RBM27: variants seen among roughly 807,000 people sequenced by gnomAD.
The protein encoded by RBM27 is RNA-binding protein 27.
Under a neutral mutation model 135.3 loss-of-function variants are expected in RBM27, and 22 were observed. The ratio of observed to expected loss-of-function variants is 0.16; its 90% CI spans 0.12 to 0.23. The LOEUF (loss-of-function observed/expected upper bound fraction) is 0.23. Ranked by LOEUF, RBM27 falls within the 10% of genes least tolerant of loss-of-function variation. The pLI is 1.00. For synonymous variants in RBM27, 481 were observed against 442.4 expected, an observed-to-expected ratio of 1.09 and a Z score of -1.10; for missense variants, 1,009 against 1,281.0, an observed-to-expected ratio of 0.79 and a Z score of 3.24.
chr5:146,285,823 T>G, intron 20 of RBM27, 124 bp from the exon 21 acceptor site: 1 of 652,566 alleles, frequency 1.5e-6, no homozygotes, highest in Non-Finnish European at 2.6e-6. Flanking sequence ...AAGATACTCT[T>G]GCATGCATCC....
chr5:146,220,924 T>A (rs985435675), intron 2 of RBM27, among the ~76,000 whole-genome samples: 3 of 151,860 alleles, frequency 2.0e-5, no homozygotes, highest in African/African-American at 7.3e-5. Flanking sequence ...TTATAAAAAG[T>A]TAGAAAGGAT....
In RBM27 at chr5:146,230,836, T is replaced by G; in HGVS notation, c.769T>G (p.Ser257Ala). 6.2e-7 allele frequency: 1 copy of G among 1,614,026 alleles called. No homozygotes were observed. The highest frequency in any genetic ancestry group is 1.1e-5 in the South Asian group (1 of 91,070). Residue 257 changes from serine to alanine, a missense_variant, in exon 6 of 21, where the codon TCT becomes GCT. Physicochemically the swap from Ser to Ala is moderately conservative, Grantham distance 99. Transcript: ENST00000265271. Reference protein sequence around the residue: ...HHSENTTESWSNYYNNHSSSN... With the variant: ...HHSENTTESWANYYNNHSSSN... ...CTCTGAAAACACAACTGAGAGTTGG[T>G]CTAATTACTATAACAATCATAGCTC...
Position 146,234,745 on chromosome 5 carries a change from C to A in RBM27, c.1144+1002C>A, listed in dbSNP as rs115871979. On this transcript the variant is annotated intron_variant, in intron 7 of 20. Coordinates refer to ENST00000265271, the MANE Select transcript of RBM27 (RefSeq NM_018989.2). ...GAAGACTTTTAACATTAAAAGATGG[C>A]AAATTAGGCTGGGCATGGTGGGTCA... is the stretch of plus-strand genomic sequence containing the variant. Among the ~76,000 whole-genome samples the A allele has an allele frequency of 1.7e-3, 261 of 152,016 alleles. 3 individuals are homozygous for A. Among genetic ancestry groups the A allele is most frequent in the African/African-American group, 6.1e-3 (253 of 41,488 alleles).
At chr5:146,214,312 C>T (rs1001572861) in intron 1 of RBM27, among the ~76,000 whole-genome samples, 1 of 152,052 alleles carries the variant, frequency 6.6e-6, no homozygotes, top group African/African-American at 2.4e-5. Flanking sequence ...CTCTTTCATC[C>T]CCAAATATGC....
chr5:146,239,157 A>C (rs541679291), intron 8 of RBM27, among the ~76,000 whole-genome samples: 1 of 152,166 alleles, frequency 6.6e-6, no homozygotes, highest in African/African-American at 2.4e-5. Context: ...GGACTGACTC[A>C]TTGCTTTGCT....
At chr5:146,228,817 T>G in intron 3 of RBM27, 129 bp from the exon 4 acceptor site, 1 of 611,426 alleles carries the variant, frequency 1.6e-6, no homozygotes, top group East Asian at 3.0e-5. Flanking sequence ...CTCCCTGTGT[T>G]TCCCAGGCTG....
Position 146,218,976 on chromosome 5 carries a change from TCTAA to T in RBM27, c.60-5_60-2del. On this transcript the variant is annotated splice_region_variant and splice_polypyrimidine_tract_variant and intron_variant, in intron 1 of 20. Coordinates refer to ENST00000265271, the MANE Select transcript of RBM27 (RefSeq NM_018989.2). ...TTTTAAAATTTTTGTTTTCTCTTTG[TCTAA>T]CTAGATGTGATGCTGATCCTTCAGC... 6.4e-7 allele frequency: 1 copy of T among 1,560,396 alleles called. No individual in the cohort carries two copies. Among genetic ancestry groups the T allele is most frequent in the Non-Finnish European group, 8.7e-7 (1 of 1,152,388 alleles).
Position 146,261,670 on chromosome 5 carries a change from C to T in RBM27, c.2054C>T (p.Ala685Val). The T allele has an allele frequency of 1.2e-6, 2 of 1,614,154 alleles. No homozygotes were observed. Among genetic ancestry groups the T allele is most frequent in the Non-Finnish European group, 1.7e-6 (2 of 1,180,014 alleles). Residue 685 changes from alanine (A) to valine (V), a missense_variant, in exon 13 of 21, where the codon GCA becomes GTA. Ala to Val is a moderately conservative substitution (Grantham distance 64). Around this residue, in one of 6 missense-constraint regions of RBM27, gnomAD observed 355 missense variants for 427.3 expected, o/e 0.83. Coordinates refer to ENST00000265271, the MANE Select transcript of RBM27 (RefSeq NM_018989.2). Reference protein sequence around the residue: ...NNEQPTLQSSAQLLLQQQQTL... With the variant: ...NNEQPTLQSSVQLLLQQQQTL... Reference sequence around the variant, plus strand: ...GAGCAACCGACACTACAGTCCTCAGCACAGCTGCTCCTGCAACAACAGCAA... The same window carrying T: ...GAGCAACCGACACTACAGTCCTCAGTACAGCTGCTCCTGCAACAACAGCAA...
At chr5:146,206,942 A>T (rs565109774) in intron 1 of RBM27, among the ~76,000 whole-genome samples, 1 of 152,344 alleles carries the variant, frequency 6.6e-6, no homozygotes, top group East Asian at 1.9e-4. Flanking sequence ...TTAATAATAA[A>T]AAAGTAAATG....
chr5:146,260,984 CAGTGGTTATTCTGATCATCTCTGCTA>C, intron 12 of RBM27, 86 bp downstream of exon 12: 6 of 1,323,902 alleles, frequency 4.5e-6, no homozygotes, highest in Non-Finnish European at 6.3e-6. Context: ...TTAAATGAGT[CAGTGGTTATTCTGATCATCTCTGCTA>C]AGTGCTGTAA....
chr5:146,271,791 C>T, intron 19 of RBM27, 117 bp downstream of exon 19: 3 of 868,552 alleles, frequency 3.5e-6, no homozygotes, highest in Non-Finnish European at 5.1e-6. Context: ...TTGTAAAAAA[C>T]ATGAGTACTA....
intron 1 of RBM27, among the ~76,000 whole-genome samples, chr5:146,216,341 TAGAA>T (rs994660895): frequency 6.6e-6 from 1 of 152,210 alleles, no homozygotes; most frequent in Non-Finnish European, 1.5e-5. Flanking sequence ...TTTTTGAAGA[TAGAA>T]AGGCTACATA....
chr5:146,225,162 A>C (rs1347335419), intron 3 of RBM27, among the ~76,000 whole-genome samples: 1 of 152,050 alleles, frequency 6.6e-6, no homozygotes, highest in Admixed American at 6.6e-5. Flanking sequence ...GGGTTTCACT[A>C]TGTTGCCCAG....
chr5:146,237,714 G>T (rs1237283881), intron 8 of RBM27, among the ~76,000 whole-genome samples: 2 of 152,098 alleles, frequency 1.3e-5, no homozygotes, highest in African/African-American at 4.8e-5. Context: ...TTGAGACAGA[G>T]TCTCGCTCTG....
intron 1 of RBM27, among the ~76,000 whole-genome samples, chr5:146,205,673 A>T (rs1469988396): frequency 2.0e-5 from 3 of 152,160 alleles, no homozygotes; most frequent in African/African-American, 7.2e-5. Context: ...ATGTAATGAA[A>T]TTGACCATAT....
At chr5:146,235,887 C>T (rs749846749) in intron 7 of RBM27, among the ~76,000 whole-genome samples, 12 of 151,962 alleles carry the variant, frequency 7.9e-5, no homozygotes, top group Non-Finnish European at 1.3e-4. Context: ...AGACAGGGTT[C>T]GCCATGTTGC....
chr5:146,205,008 C>G (rs765719867), intron 1 of RBM27, among the ~76,000 whole-genome samples: 34 of 152,220 alleles, frequency 2.2e-4, no homozygotes, highest in Non-Finnish European at 4.1e-4. Context: ...AGCGATTCTC[C>G]TGCCTCAGCC....
chr5:146,204,105 G>A (rs940676287), intron 1 of RBM27, among the ~76,000 whole-genome samples: 2 of 152,194 alleles, frequency 1.3e-5, no homozygotes, highest in African/African-American at 4.8e-5. Context: ...GGGTAGCAGG[G>A]GCCGTGAGGG....
chr5:146,214,288 C>T (rs1397664247), intron 1 of RBM27, among the ~76,000 whole-genome samples: 3 of 152,078 alleles, frequency 2.0e-5, no homozygotes, highest in Admixed American at 1.3e-4. Context: ...GTCATGGATC[C>T]CAAATTTTAC....
Sources: allele counts gnomAD v4.1 joint callset (sites outside exome capture counted in the v4.1 genomes callset), GRCh38; gene constraint gnomAD v4.1.1; regional missense constraint gnomAD v4.1.1; transcripts MANE v1.5; gene names NCBI Gene and HGNC (gene_info 2026-07-23, HGNC 2026-07-21).